The following ZNF541 variants were observed in gnomAD, a reference collection of about 807,000 sequenced individuals.
The protein encoded by ZNF541 is zinc finger protein 541.
A neutral mutation model predicts 123.5 loss-of-function variants in ZNF541; 23 were observed. That is an observed-to-expected ratio of 0.19 (90% CI 0.13 to 0.26). ZNF541 has a LOEUF of 0.26. Among genes scored for constraint, ZNF541 ranks in the 10% least tolerant of loss-of-function variants. The probability of loss-of-function intolerance (pLI) is 1.00; values close to 1 mark genes in which losing one functional copy is unlikely to be tolerated. For missense variants in ZNF541, 1,612 were observed against 1,789.9 expected (o/e 0.90, Z 1.79); for synonymous variants, 751 against 754.5 (o/e 1.00, Z 0.08).
chr19:47,530,027 T>G (rs760312837), intron 12 of ZNF541, among the ~76,000 whole-genome samples: 3 of 152,178 alleles, frequency 2.0e-5, no homozygotes, highest in Non-Finnish European at 2.9e-5. Context: ...AGCTAACAAT[T>G]GAAAACATTT....
chr19:47,548,803 C>T (rs1600032137), intron 4 of ZNF541, among the ~76,000 whole-genome samples: 5 of 152,172 alleles, frequency 3.3e-5, no homozygotes, highest in South Asian at 2.1e-4. Context: ...GGGCTGGGCA[C>T]GGTGGCTCAC....
chr19:47,532,749 G>GA (rs1969633721), intron 10 of ZNF541, among the ~76,000 whole-genome samples, 160 bp downstream of exon 10: 1 of 152,094 alleles, frequency 6.6e-6, no homozygotes, highest in Non-Finnish European at 1.5e-5. Context: ...AATATTGGGG[G>GA]ATCTTCCTAC....
intron 3 of ZNF541, among the ~76,000 whole-genome samples, chr19:47,553,296 T>C (rs1970682247): frequency 6.6e-6 from 1 of 151,790 alleles, no homozygotes; most frequent in Admixed American, 6.6e-5. Context: ...TGGAGTGCAG[T>C]AGCATGATCT....
At chr19:47,555,484 T>C in intron 3 of ZNF541, 66 bp downstream of exon 3, 1 of 1,448,918 alleles carries the variant, frequency 6.9e-7, no homozygotes, top group East Asian at 2.5e-5. Flanking sequence ...GCAGAATCAG[T>C]CCCTAGCTGG....
intron 14 of ZNF541, among the ~76,000 whole-genome samples, chr19:47,525,102 T>A (rs1190830550): frequency 1.3e-5 from 2 of 151,908 alleles, no homozygotes; most frequent in African/African-American, 4.8e-5. Flanking sequence ...CTGGCCAACA[T>A]GGTGAAACCC....
Position 47,539,779 on chromosome 19 carries a change from C to T in ZNF541, c.2722G>A (p.Ala908Thr). ...TGGGGGACCACCAAAGGGGCTGCAG[C>T]TGTGGGGTCCAAGGGCTTCTTGGTT... ...PGTKKPLDPT[A>T]AAPLVVPQSI... The change falls in exon 8 of 17, where the codon GCT becomes ACT. Residue 908 changes from alanine (A) to threonine (T), a missense_variant. Around this residue, in one of 5 missense-constraint regions of ZNF541, gnomAD observed 1,080 missense variants for 1,013.8 expected, o/e 1.07. Transcript: ENST00000391901. 6.8e-7 allele frequency: 1 copy of T among 1,479,476 alleles called. No homozygotes were observed. The highest frequency in any genetic ancestry group is 8.9e-7 in the Non-Finnish European group (1 of 1,122,764). 91.6% of individuals were successfully genotyped at this position (1,479,476 alleles called of 1,614,324 possible). A position where few individuals can be genotyped will look rare whatever the true frequency, so the allele number is the denominator to read the frequency against.
At position 47,544,375 on chromosome 19, in the gene ZNF541, G is replaced by T. The variant is rs1970217614; in HGVS notation, c.2154C>A (p.Ala718=). The change falls in exon 5 of 17, where the codon GCC becomes GCA. Residue 718 remains alanine, a synonymous_variant. Coordinates refer to ENST00000391901, the MANE Select transcript of ZNF541 (RefSeq NM_001277075.3). ...PPGASLPGKQ[A]PAENGAASRI... Reference sequence around the variant, plus strand: ...TTGAAGCCGCGCCATTCTCGGCTGGGGCCTGCTTCCCTGGCAGCGAGGCTC... The same window carrying T: ...TTGAAGCCGCGCCATTCTCGGCTGGTGCCTGCTTCCCTGGCAGCGAGGCTC... 1 of 1,551,548 alleles carries T rather than the reference G, an allele frequency of 6.4e-7. No individual in the cohort carries two copies. The highest frequency in any genetic ancestry group is 1.4e-5 in the African/African-American group (1 of 73,046).
At chr19:47,551,905 T>A (rs947758422) in intron 3 of ZNF541, among the ~76,000 whole-genome samples, 41 of 152,196 alleles carry the variant, frequency 2.7e-4, no homozygotes, top group Non-Finnish European at 2.9e-4. Context: ...TCACCCACGC[T>A]GGAGTGCAAT....
At chr19:47,550,080 C>G (rs1445431875) in intron 3 of ZNF541, among the ~76,000 whole-genome samples, 1 of 151,900 alleles carries the variant, frequency 6.6e-6, no homozygotes, top group Non-Finnish European at 1.5e-5. Flanking sequence ...GGTGAAACCC[C>G]GTCTCTACCA....
chr19:47,549,916 G>A (rs562742882), intron 3 of ZNF541, among the ~76,000 whole-genome samples: 92 of 152,314 alleles, frequency 6.0e-4, no homozygotes, highest in African/African-American at 2.1e-3. Flanking sequence ...CTGCAAGGGA[G>A]TAAACTGTCA....
Position 47,540,339 on chromosome 19 carries a change from T to C in ZNF541, c.2463-4A>G. On this transcript the variant is annotated splice_polypyrimidine_tract_variant and splice_region_variant and intron_variant, in intron 6 of 16. Transcript: ENST00000391901. ...GGGACTGCCGTTTTGCTGGTTACTG[T>C]GGGACATGGCAGGAAAGAAGAGTGG... The C allele has an allele frequency of 6.4e-7, 1 of 1,550,798 alleles. No homozygotes were observed. Among genetic ancestry groups the C allele is most frequent in the Non-Finnish European group, 8.7e-7 (1 of 1,146,288 alleles).
At chr19:47,571,143 C>T (rs1275974505) in intron 2 of ZNF541, among the ~76,000 whole-genome samples, 4 of 150,848 alleles carry the variant, frequency 2.7e-5, no homozygotes, top group Middle Eastern at 3.4e-3. Context: ...GACGGAGTCT[C>T]GCTCTGTTGC....
At chr19:47,536,141 C>T (rs1316351186) in intron 9 of ZNF541, among the ~76,000 whole-genome samples, 3 of 152,230 alleles carry the variant, frequency 2.0e-5, no homozygotes, top group Admixed American at 6.5e-5. Flanking sequence ...TTAAGAACGC[C>T]TTTAAGCAGT....
chr19:47,567,407 C>T (rs890201507), intron 2 of ZNF541, among the ~76,000 whole-genome samples: 6 of 152,096 alleles, frequency 3.9e-5, no homozygotes, highest in East Asian at 1.9e-4. Flanking sequence ...TACAGGCGCC[C>T]GCCATCATGC....
Position 47,560,519 on chromosome 19 carries a change from T to C in ZNF541, c.-98-4565A>G, listed in dbSNP as rs563849086. ...TGAATGTGGGAGGTGGAGGTTGCAA[T>C]GAGCCAAGATTGCGCCACTGCACTC... is the stretch of plus-strand genomic sequence containing the variant. On this transcript the variant is annotated intron_variant, in intron 2 of 16. Transcript: ENST00000391901. Among the ~76,000 whole-genome samples the C allele has an allele frequency of 3.8e-3, 540 of 140,718 alleles. 2 individuals are homozygous for C. Among genetic ancestry groups the C allele is most frequent in the African/African-American group, 0.014 (509 of 37,138 alleles). The allele number at this position is 140,718 out of a possible 152,430, so 92.3% of individuals were successfully genotyped here. A position where few individuals can be genotyped will look rare whatever the true frequency, so the allele number is the denominator to read the frequency against.
chr19:47,536,685 G>A (rs768795007), intron 9 of ZNF541, among the ~76,000 whole-genome samples: 4 of 152,192 alleles, frequency 2.6e-5, no homozygotes, highest in Non-Finnish European at 5.9e-5. Flanking sequence ...TTGAGCCCAG[G>A]AGGTTGAAGC....
intron 14 of ZNF541, among the ~76,000 whole-genome samples, chr19:47,525,606 C>T (rs1291023083): frequency 6.6e-6 from 1 of 152,026 alleles, no homozygotes; most frequent in Non-Finnish European, 1.5e-5. Context: ...AATTGTAAAA[C>T]CTAAAACTAT....
intron 9 of ZNF541, among the ~76,000 whole-genome samples, chr19:47,535,474 AT>A (rs1969772370): frequency 6.6e-6 from 1 of 152,396 alleles, no homozygotes; most frequent in African/African-American, 2.4e-5. Context: ...AGGAGGAGAA[AT>A]GAAAATGTTC....
At position 47,545,839 on chromosome 19, in the gene ZNF541, G is replaced by A. The variant is rs1174484015; in HGVS notation, c.690C>T (p.Pro230=). ...HHGLCILKEA[P]PEEEACGDSP... ...AGTCCCCGCAGGCCTCTTCCTCCGG[G>A]GGGGCTTCCTTCAGGATGCACAGGC... is the stretch of plus-strand genomic sequence containing the variant. Residue 230 remains proline (P), a synonymous_variant, in exon 5 of 17, where the codon CCC becomes CCT. Transcript: ENST00000391901. This position sits in a 1 kb window ranked among gnomAD's most constrained non-coding sequence, Gnocchi z 7.5. 3 of 1,549,220 alleles carry A rather than the reference G, an allele frequency of 1.9e-6. No individual in the cohort carries two copies. Among genetic ancestry groups the A allele is most frequent in the Non-Finnish European group, 2.6e-6 (3 of 1,146,316 alleles).
Sources: allele counts gnomAD v4.1 joint callset (sites outside exome capture counted in the v4.1 genomes callset), GRCh38; gene constraint gnomAD v4.1.1; regional missense constraint gnomAD v4.1.1; non-coding constraint Gnocchi (gnomAD v3.1); transcripts MANE v1.5; gene names NCBI Gene and HGNC (gene_info 2026-07-23, HGNC 2026-07-21).